Variants in CLCF1 observed in about 807,000 individuals in gnomAD.
CLCF1 encodes cardiotrophin like cytokine factor 1.
In CLCF1, 10 loss-of-function variants were observed where a neutral mutation model predicts 21.2. The ratio of observed to expected loss-of-function variants is 0.47; its 90% CI spans 0.29 to 0.80. The LOEUF is 0.80. Among genes scored for constraint, CLCF1 ranks in the 30% least tolerant of loss-of-function variants. The probability of loss-of-function intolerance (pLI) is 0.09; values close to 1 mark genes in which losing one functional copy is unlikely to be tolerated. For synonymous variants in CLCF1, 115 were observed against 120.5 expected (o/e 0.95, Z 0.30); for missense variants, 240 against 293.4 (o/e 0.82, Z 1.33).
intron 1 of CLCF1, chr11:67,370,018 G>C (rs536423112): frequency 7.6e-5 from 75 of 985,280 alleles, no homozygotes; most frequent in Non-Finnish European, 8.9e-5. Context: ...GGCTGCGGGT[G>C]GGGGGCAGGG....
chr11:67,367,180 G>A lies in CLCF1; in HGVS notation c.183+280C>T, dbSNP rs566885035. Among the ~76,000 whole-genome samples, 41 of 141,250 alleles carry A rather than the reference G, an allele frequency of 2.9e-4. No individual in the cohort carries two copies. The East Asian group carries it at 5.5e-3, about 19-fold the overall frequency. The allele number at this position is 141,250 out of a possible 152,430, so 92.7% of individuals were successfully genotyped here. On this transcript the variant is annotated intron_variant, in intron 2 of 2. Coordinates refer to ENST00000312438, the MANE Select transcript of CLCF1 (RefSeq NM_013246.3). ...CGGTGTAAACAGAGGAGACTTCCCC[G>A]GCCCCCAGGGGGAGGCGGGCGGCTG...
intron 1 of CLCF1, chr11:67,370,925 G>A: frequency 1.0e-6 from 1 of 985,462 alleles, no homozygotes; most frequent in Non-Finnish European, 1.2e-6. Flanking sequence ...GAGCTCCAGA[G>A]GTGGGGCATG....
At chr11:67,368,871 G>A in intron 1 of CLCF1, 2 of 978,900 alleles carry the variant, frequency 2.0e-6, no homozygotes, top group Non-Finnish European at 2.4e-6. Context: ...GAATAGGTGT[G>A]AGGTCATGAG....
chr11:67,371,711 G>A (rs1862238065), intron 1 of CLCF1, among the ~76,000 whole-genome samples: 1 of 152,230 alleles, frequency 6.6e-6, no homozygotes, highest in South Asian at 2.1e-4. Context: ...GGCAGTGGTG[G>A]GTGAATTGGA....
At chr11:67,368,257 G>A in intron 1 of CLCF1, 2 of 985,340 alleles carry the variant, frequency 2.0e-6, no homozygotes, top group Non-Finnish European at 2.4e-6. Flanking sequence ...GGGAAGTGTA[G>A]GGTGGGGTTA....
intron 1 of CLCF1, chr11:67,367,868 G>A: frequency 1.0e-6 from 1 of 985,388 alleles, no homozygotes; most frequent in South Asian, 4.7e-5. Context: ...GTAGATACTT[G>A]AGAATGGATC....
chr11:67,365,601 C>G lies in CLCF1; in HGVS notation c.213G>C (p.Glu71Asp). ...CCAGGCGGGGAGGGTTGAAGTCTGG[C>G]TCGTTGAAAGGGGGGCCCAGGTAGT... is the stretch of plus-strand genomic sequence containing the variant. ...YLNYLGPPFN[E>D]PDFNPPRLGA... The change falls in exon 3 of 3, where the codon GAG becomes GAC. Residue 71 changes from glutamate (E) to aspartate (D), a missense_variant. Glu to Asp is a conservative substitution (Grantham distance 45). Coordinates refer to ENST00000312438, the MANE Select transcript of CLCF1 (RefSeq NM_013246.3). This position sits in a 1 kb window ranked among gnomAD's most constrained non-coding sequence, Gnocchi z 5.0. The G allele has an allele frequency of 6.2e-7, 1 of 1,612,486 alleles. No homozygotes were observed. Among genetic ancestry groups the G allele is most frequent in the Non-Finnish European group, 8.5e-7 (1 of 1,178,698 alleles).
rs1437231419 is a variant in CLCF1 at position 67,364,958 on chromosome 11, G to A, written c.*178C>T. Reference sequence around the variant, plus strand: ...ACTGTACCTCCTCCCCAGCTCGGTAGACCTTTGGGAGGTGGGGAGGAGACA... The same window carrying A: ...ACTGTACCTCCTCCCCAGCTCGGTAAACCTTTGGGAGGTGGGGAGGAGACA... On this transcript the variant is annotated 3_prime_UTR_variant, in exon 3 of 3. Coordinates refer to ENST00000312438, the MANE Select transcript of CLCF1 (RefSeq NM_013246.3). 13 of 963,310 alleles carry A rather than the reference G, an allele frequency of 1.3e-5. No individual in the cohort carries two copies. Among genetic ancestry groups the A allele is most frequent in the Non-Finnish European group, 2.0e-5 (13 of 657,602 alleles). The allele number at this position is 963,310 out of a possible 1,614,324, so 59.7% of individuals were successfully genotyped here.
chr11:67,373,840 C>G (rs1419146924), upstream of CLCF1: 4 of 938,642 alleles, frequency 4.3e-6, no homozygotes, highest in Non-Finnish European at 5.3e-6. Flanking sequence ...CCCACAGCAC[C>G]GAGGGGGGGT....
intron 1 of CLCF1, chr11:67,370,540 GC>G (rs1244810098): frequency 6.1e-6 from 6 of 976,294 alleles, no homozygotes; most frequent in Non-Finnish European, 7.2e-6. Context: ...TCCTGCAACA[GC>G]CCCCCACCCC....
rs1208607611 is a variant in CLCF1, at chr11:67,365,092, G to A, written c.*44C>T. 5.0e-6 allele frequency: 8 copies of A among 1,611,860 alleles called. No individual in the cohort carries two copies. The African/African-American group carries it at 8.0e-5, about 16-fold the overall frequency. On this transcript the variant is annotated 3_prime_UTR_variant, in exon 3 of 3. Transcript: ENST00000312438. The surrounding 1 kb of genome is among the most constrained non-coding windows in gnomAD (Gnocchi z 5.0). The stretch of plus-strand genomic sequence containing the variant: ...CATACAGGGCTGGCTCTCACAAAGT[G>A]GGAGCAGGGTTTGAAGGGGGAGCGA...
chr11:67,367,087 A>C (rs1348197893), intron 2 of CLCF1, among the ~76,000 whole-genome samples: 1 of 152,094 alleles, frequency 6.6e-6, no homozygotes, highest in Non-Finnish European at 1.5e-5. Flanking sequence ...GCGAGCTGGA[A>C]CGCAGGCATG....
chr11:67,367,867 T>C, intron 1 of CLCF1: 1 of 985,350 alleles, frequency 1.0e-6, no homozygotes, highest in Non-Finnish European at 1.2e-6. Context: ...AGTAGATACT[T>C]GAGAATGGAT....
chr11:67,367,977 G>A (rs1862151999), intron 1 of CLCF1: 3 of 985,386 alleles, frequency 3.0e-6, no homozygotes, highest in Non-Finnish European at 3.6e-6. Context: ...CCTAGGGACT[G>A]CAGGTCGACC....
At chr11:67,369,697 C>T in intron 1 of CLCF1, 1 of 985,456 alleles carries the variant, frequency 1.0e-6, no homozygotes. Context: ...GACCAAGGGT[C>T]CCAACTGAAG....
At chr11:67,371,413 T>C (rs978929873) in intron 1 of CLCF1, among the ~76,000 whole-genome samples, 20 of 152,174 alleles carry the variant, frequency 1.3e-4, no homozygotes, top group African/African-American at 4.6e-4. Flanking sequence ...GGGCTTCATC[T>C]CTCCTCTCCT....
upstream of CLCF1, chr11:67,373,795 G>T: frequency 2.1e-6 from 2 of 939,296 alleles, no homozygotes; most frequent in Non-Finnish European, 2.6e-6. Context: ...GAGGGGGGAG[G>T]AGGGAAGGGA....
chr11:67,364,961 C>G lies in CLCF1; in HGVS notation c.*175G>C. ...GTACCTCCTCCCCAGCTCGGTAGACCTTTGGGAGGTGGGGAGGAGACAGGG... is the reference window on the plus strand; with the variant it reads ...GTACCTCCTCCCCAGCTCGGTAGACGTTTGGGAGGTGGGGAGGAGACAGGG... On this transcript the variant is annotated 3_prime_UTR_variant, in exon 3 of 3. Transcript: ENST00000312438. 1 of 1,013,434 alleles carries G rather than the reference C, an allele frequency of 9.9e-7. No individual in the cohort carries two copies. The highest frequency in any genetic ancestry group is 1.4e-6 in the Non-Finnish European group (1 of 699,704). The allele number at this position is 1,013,434 out of a possible 1,614,324, so 62.8% of individuals were successfully genotyped here. A position where few individuals can be genotyped will look rare whatever the true frequency, so the allele number is the denominator to read the frequency against.
intron 1 of CLCF1, among the ~76,000 whole-genome samples, chr11:67,371,983 C>T (rs372457336): frequency 9.9e-5 from 15 of 151,968 alleles, no homozygotes; most frequent in East Asian, 9.7e-4. Flanking sequence ...GCTTCCTCCC[C>T]GGTGGAGCGT....
Sources: gnomAD v4.1 joint callset for allele counts (sites outside exome capture counted in the v4.1 genomes callset) on GRCh38, gnomAD v4.1.1 for gene constraint, Gnocchi (gnomAD v3.1) non-coding constraint, MANE v1.5 for transcripts, NCBI Gene and HGNC (gene_info 2026-07-23, HGNC 2026-07-21) for gene names.